The following PSEN2 variants were observed in gnomAD, a reference collection of about 807,000 sequenced individuals.
PSEN2 encodes presenilin 2, also known as presenilin-2.
In PSEN2, 32 loss-of-function variants were observed where a neutral mutation model predicts 49.1. The observed-to-expected ratio is 0.65, with a 90% CI of 0.49 to 0.88. The LOEUF (loss-of-function observed/expected upper bound fraction) is 0.88. Ranked by LOEUF, PSEN2 falls within the 40% of genes least tolerant of loss-of-function variation. The probability of loss-of-function intolerance (pLI) is 0.00; values close to 1 mark genes in which losing one functional copy is unlikely to be tolerated. For missense variants in PSEN2, 522 were observed against 586.9 expected, an observed-to-expected ratio of 0.89 and a Z score of 1.14; for synonymous variants, 255 against 244.0, an observed-to-expected ratio of 1.05 and a Z score of -0.42.
At chr1:226,883,958 G>A (rs1661175963) in intron 5 of PSEN2, 39 bp downstream of exon 5, 3 of 1,059,456 alleles carry the variant, frequency 2.8e-6, no homozygotes, top group Non-Finnish European at 2.7e-6. Flanking sequence ...TGGGGTGAGG[G>A]CTGAGTTGCC....
intron 6 of PSEN2, among the ~76,000 whole-genome samples, chr1:226,886,034 TA>T (rs199899855): frequency 6.6e-6 from 1 of 151,898 alleles, no homozygotes; most frequent in Non-Finnish European, 1.5e-5. Context: ...CCTGGCTAAT[TA>T]AAAAATTTTT....
At chr1:226,897,162 A>T (rs1172894746), downstream of PSEN2, among the ~76,000 whole-genome samples, 1 of 152,220 alleles carries the variant, frequency 6.6e-6, no homozygotes, top group Non-Finnish European at 1.5e-5. Context: ...GCAGACAGGG[A>T]TGGTCCCTGA....
intron 3 of PSEN2, among the ~76,000 whole-genome samples, chr1:226,879,622 C>G (rs1179744372): frequency 6.6e-6 from 1 of 152,192 alleles, no homozygotes; most frequent in African/African-American, 2.4e-5. Flanking sequence ...AAGTGGTTAC[C>G]TCTTTCCAGA....
At chr1:226,872,953 G>C (rs1010373372) in intron 2 of PSEN2, among the ~76,000 whole-genome samples, 6 of 152,134 alleles carry the variant, frequency 3.9e-5, no homozygotes, top group African/African-American at 1.4e-4. Context: ...CGAGGTGGGT[G>C]GATCACCTGA....
intron 12 of PSEN2, among the ~76,000 whole-genome samples, chr1:226,903,280 C>A (rs964245017): frequency 6.6e-6 from 1 of 152,058 alleles, no homozygotes; most frequent in Admixed American, 6.6e-5. Flanking sequence ...GTTAAGAAAA[C>A]CCCCCATGCT....
At chr1:226,887,312 C>A (rs913537352) in intron 6 of PSEN2, among the ~76,000 whole-genome samples, 1 of 152,136 alleles carries the variant, frequency 6.6e-6, no homozygotes, top group Admixed American at 6.5e-5. Context: ...GCTGTGTGTG[C>A]AGCAGGGCCG....
At chr1:226,901,842 C>A (rs1475242803) in intron 12 of PSEN2, among the ~76,000 whole-genome samples, 2 of 152,202 alleles carry the variant, frequency 1.3e-5, no homozygotes, top group East Asian at 3.8e-4. Context: ...CAAGCTGCTA[C>A]TTTGCAAATG....
At chr1:226,894,914 C>T (rs772410797) in intron 12 of PSEN2, among the ~76,000 whole-genome samples, 33 of 152,344 alleles carry the variant, frequency 2.2e-4, no homozygotes, top group Non-Finnish European at 3.8e-4. Flanking sequence ...ATATAGAAGG[C>T]ACCCTGGTTC....
intron 9 of PSEN2, chr1:226,890,617 C>T: frequency 4.2e-6 from 1 of 239,332 alleles, no homozygotes; most frequent in South Asian, 6.0e-5. Context: ...CTTACACATG[C>T]AGTCAACAAA....
chr1:226,899,191 G>C (rs1037122224), downstream of PSEN2: 9 of 152,132 alleles, frequency 5.9e-5, no homozygotes, highest in African/African-American at 1.9e-4. Context: ...TGTTTTAAGA[G>C]ATCCTTCCCT....
intron 2 of PSEN2, among the ~76,000 whole-genome samples, chr1:226,874,793 C>G (rs1325120182): frequency 6.6e-6 from 1 of 152,208 alleles, no homozygotes; most frequent in African/African-American, 2.4e-5. Flanking sequence ...TCAGATTAGA[C>G]TGTCTGAGGC....
intron 3 of PSEN2, among the ~76,000 whole-genome samples, chr1:226,879,059 A>T (rs1376457747): frequency 6.6e-6 from 1 of 152,010 alleles, no homozygotes; most frequent in Non-Finnish European, 1.5e-5. Flanking sequence ...TTTTGTAGAG[A>T]TGGGGTTTTG....
chr1:226,890,919 A>C, intron 9 of PSEN2: 1 of 299,088 alleles, frequency 3.3e-6, no homozygotes, highest in South Asian at 4.1e-5. Flanking sequence ...ACGGGAAAGC[A>C]CATTCCAGGC....
chr1:226,887,990 T>C lies in PSEN2; in HGVS notation c.499-101T>C, dbSNP rs886454641. 3.5e-5 allele frequency: 34 copies of C among 973,968 alleles called. No individual in the cohort carries two copies. The Admixed American group carries it at 5.8e-4, about 17-fold the overall frequency. The allele number at this position is 973,968 out of a possible 1,614,324, so 60.3% of individuals were successfully genotyped here. A position where few individuals can be genotyped will look rare whatever the true frequency, so the allele number is the denominator to read the frequency against. ...CCAGCGTAGGCATGAAGTAGCCTAA[T>C]GAAGAGCATTCAGGCTTGGGTATCA... On this transcript the variant is annotated intron_variant, in intron 6 of 12. Coordinates refer to ENST00000366783, the MANE Select transcript of PSEN2 (RefSeq NM_000447.3).
chr1:226,901,412 T>C (rs1291213653), downstream of PSEN2, among the ~76,000 whole-genome samples: 1 of 140,686 alleles, frequency 7.1e-6, no homozygotes, highest in East Asian at 2.1e-4. Flanking sequence ...CTCCAGCCTG[T>C]GTGACAAAAG....
intron 2 of PSEN2, among the ~76,000 whole-genome samples, chr1:226,871,682 C>T (rs1052163456): frequency 6.6e-6 from 1 of 152,232 alleles, no homozygotes; most frequent in Non-Finnish European, 1.5e-5. Context: ...ACCCCAGCTT[C>T]CAGTAAGGAA....
chr1:226,888,804 C>T, intron 7 of PSEN2, 25 bp from the exon 8 acceptor site: 2 of 1,600,230 alleles, frequency 1.2e-6, no homozygotes, highest in Non-Finnish European at 1.7e-6. Context: ...GAGTCCCAGT[C>T]ACAGGCTCCA....
intron 3 of PSEN2, among the ~76,000 whole-genome samples, chr1:226,877,582 G>A (rs1172164542): frequency 6.6e-6 from 1 of 152,188 alleles, no homozygotes; most frequent in Non-Finnish European, 1.5e-5. Context: ...ATTAGAGGGT[G>A]CCCTTGCTGT....
downstream of PSEN2, among the ~76,000 whole-genome samples, chr1:226,901,627 A>ATCTG (rs2102705220): frequency 6.6e-6 from 1 of 152,144 alleles, no homozygotes; most frequent in South Asian, 2.1e-4. Context: ...CGTGGCTTTG[A>ATCTG]TCTGCATTTC....
Sources: allele counts gnomAD v4.1 joint callset (sites outside exome capture counted in the v4.1 genomes callset), GRCh38; gene constraint gnomAD v4.1.1; transcripts MANE v1.5; gene names NCBI Gene and HGNC (gene_info 2026-07-23, HGNC 2026-07-21).